P3H2: variants seen among roughly 807,000 people sequenced by gnomAD.
P3H2 encodes the protein leprecan-like 1.
In P3H2, 80 loss-of-function variants were observed where a neutral mutation model predicts 87.0. The observed-to-expected ratio is 0.92, with a 90% confidence interval of 0.77 to 1.11. The LOEUF (loss-of-function observed/expected upper bound fraction) is 1.11, where lower values mean the gene tolerates loss of function less well. Ranked by LOEUF, P3H2 falls within the 50% of genes least tolerant of loss-of-function variation. The probability of loss-of-function intolerance (pLI) is 0.00; values close to 1 mark genes in which losing one functional copy is unlikely to be tolerated. For missense variants in P3H2, 1,001 were observed against 923.9 expected (o/e 1.08, Z -1.08); for synonymous variants, 367 against 359.3 (o/e 1.02, Z -0.24).
In P3H2 at chr3:190,007,965, C is replaced by CACACACACACACACACAT; in HGVS notation, c.481-12524_481-12523insATGTGTGTGTGTGTGTGT. On this transcript the variant is annotated intron_variant, in intron 1 of 14. Transcript: ENST00000319332. ...GCCTGAGACTCTATTTGTTGACACACATATATATATATATATATATAGTAA... is the reference window on the plus strand; with the variant it reads ...GCCTGAGACTCTATTTGTTGACACACACACACACACACACACATATATATATATATATATATATAGTAA... Among the ~76,000 whole-genome samples, 335 of 94,320 alleles carry CACACACACACACACACAT rather than the reference C, an allele frequency of 3.6e-3. 3 individuals are homozygous for CACACACACACACACACAT. The highest frequency in any genetic ancestry group is 0.012 in the African/African-American group (299 of 25,624). The allele number at this position is 94,320 out of a possible 152,430, so 61.9% of individuals were successfully genotyped here.
In P3H2 at chr3:190,056,098, C is replaced by G. The variant is rs373616599; in HGVS notation, c.481-60656G>C. On this transcript the variant is annotated intron_variant, in intron 1 of 14. Coordinates refer to ENST00000319332, the MANE Select transcript of P3H2 (RefSeq NM_018192.4). ...TTATAGGAAGAGACACCAGAAAGCT[C>G]TCTCTCTCTGCCTCTCACATGGAAA... Among the ~76,000 whole-genome samples the G allele has an allele frequency of 3.3e-5, 5 of 152,214 alleles. No individual in the cohort carries two copies. In the East Asian group the frequency reaches 7.7e-4, roughly 24 times the overall value.
intron 1 of P3H2, among the ~76,000 whole-genome samples, chr3:190,017,219 C>CA (rs1470665647): frequency 6.6e-6 from 1 of 152,088 alleles, no homozygotes; most frequent in Non-Finnish European, 1.5e-5. Context: ...ACCAGAGATA[C>CA]ATGATACATA....
intron 1 of P3H2, among the ~76,000 whole-genome samples, chr3:190,046,850 C>A (rs1725823514): frequency 6.6e-6 from 1 of 151,640 alleles, no homozygotes; most frequent in African/African-American, 2.4e-5. Flanking sequence ...TGTAGAAGAC[C>A]TCAAAAGCTC....
At chr3:189,989,513 G>A (rs1304135378) in intron 3 of P3H2, among the ~76,000 whole-genome samples, 1 of 152,172 alleles carries the variant, frequency 6.6e-6, no homozygotes, top group Non-Finnish European at 1.5e-5. Flanking sequence ...AATTCAGGCT[G>A]AGAAGTGAAG....
chr3:189,986,439 A>G (rs531356718), intron 6 of P3H2, among the ~76,000 whole-genome samples: 1 of 152,070 alleles, frequency 6.6e-6, no homozygotes, highest in East Asian at 1.9e-4. Context: ...ACAAAAAAAA[A>G]TTAGCTGGGC....
At chr3:190,105,030 G>T (rs779584868) in intron 1 of P3H2, among the ~76,000 whole-genome samples, 1 of 152,130 alleles carries the variant, frequency 6.6e-6, no homozygotes, top group Non-Finnish European at 1.5e-5. Flanking sequence ...CAATGAAAAA[G>T]ACTTTAATGA....
intron 1 of P3H2, among the ~76,000 whole-genome samples, chr3:189,998,632 T>G (rs1724120893): frequency 6.6e-6 from 1 of 152,212 alleles, no homozygotes; most frequent in Non-Finnish European, 1.5e-5. Flanking sequence ...AATCTTTTTA[T>G]TTTCTACCTA....
intron 1 of P3H2, among the ~76,000 whole-genome samples, chr3:190,030,919 C>T (rs1053069660): frequency 1.3e-5 from 2 of 152,108 alleles, no homozygotes; most frequent in African/African-American, 2.4e-5. Flanking sequence ...TCACTTTGAT[C>T]TTAGCCTCAT....
intron 6 of P3H2, among the ~76,000 whole-genome samples, chr3:189,986,215 T>C (rs1723690520): frequency 6.6e-6 from 1 of 152,210 alleles, no homozygotes; most frequent in African/African-American, 2.4e-5. Context: ...AAAATACTTT[T>C]ACCCAATAGA....
At chr3:190,052,933 C>T (rs547166552) in intron 1 of P3H2, among the ~76,000 whole-genome samples, 2 of 152,232 alleles carry the variant, frequency 1.3e-5, no homozygotes, top group South Asian at 2.1e-4. Context: ...CTGAGGCAAC[C>T]GTTGATCTGC....
chr3:190,112,105 G>A (rs1560406351), intron 1 of P3H2, among the ~76,000 whole-genome samples: 1 of 152,178 alleles, frequency 6.6e-6, no homozygotes, highest in African/African-American at 2.4e-5. Flanking sequence ...TATTAGATGT[G>A]AGCTCATTGA....
At chr3:190,037,787 A>T (rs1725469952) in intron 1 of P3H2, among the ~76,000 whole-genome samples, 1 of 96,008 alleles carries the variant, frequency 1.0e-5, no homozygotes, top group South Asian at 4.4e-4. Flanking sequence ...CATATTGCAG[A>T]CACTCAATAT....
chr3:190,033,499 G>T (rs1341333652), intron 1 of P3H2, among the ~76,000 whole-genome samples: 1 of 152,002 alleles, frequency 6.6e-6, no homozygotes, highest in African/African-American at 2.4e-5. Flanking sequence ...AAACATTTTT[G>T]TCATTTATGA....
At chr3:190,008,570 G>A (rs1369119718) in intron 1 of P3H2, among the ~76,000 whole-genome samples, 2 of 152,142 alleles carry the variant, frequency 1.3e-5, no homozygotes, top group Non-Finnish European at 2.9e-5. Flanking sequence ...TATACTGTGG[G>A]TTTACATTGG....
intron 1 of P3H2, among the ~76,000 whole-genome samples, chr3:190,103,276 G>A (rs912823318): frequency 1.3e-5 from 2 of 152,130 alleles, no homozygotes; most frequent in South Asian, 2.1e-4. Flanking sequence ...TTTCCATCAC[G>A]TGCAAGACTC....
chr3:190,080,747 A>G (rs1192541130), intron 1 of P3H2, among the ~76,000 whole-genome samples: 1 of 152,162 alleles, frequency 6.6e-6, no homozygotes, highest in Non-Finnish European at 1.5e-5. Context: ...TGGTGTCTGT[A>G]AATTTGAGAG....
At chr3:190,114,528 T>C (rs1238710457) in intron 1 of P3H2, among the ~76,000 whole-genome samples, 3 of 152,258 alleles carry the variant, frequency 2.0e-5, no homozygotes, top group East Asian at 3.9e-4. Context: ...TTATCACTTA[T>C]ACGGGCAATA....
intron 1 of P3H2, among the ~76,000 whole-genome samples, chr3:190,090,085 A>C (rs1727359756): frequency 6.6e-6 from 1 of 152,172 alleles, no homozygotes; most frequent in African/African-American, 2.4e-5. Flanking sequence ...TTTGCCTGCC[A>C]GCCTTCAGAA....
chr3:190,105,853 T>C (rs1366900129), intron 1 of P3H2, among the ~76,000 whole-genome samples: 1 of 152,184 alleles, frequency 6.6e-6, no homozygotes, highest in Admixed American at 6.5e-5. Context: ...GAGAAAGCCA[T>C]TTATGACAGA....
Sources: allele counts gnomAD v4.1 joint callset (sites outside exome capture counted in the v4.1 genomes callset), GRCh38; gene constraint gnomAD v4.1.1; transcripts MANE v1.5; gene names NCBI Gene and HGNC (gene_info 2026-07-23, HGNC 2026-07-21).